Variants in SEC24B observed in about 807,000 individuals in gnomAD.
The protein encoded by SEC24B is protein transport protein Sec24B.
SEC24B carries 45 observed loss-of-function variants against 142.8 expected under a neutral mutation model. The ratio of observed to expected loss-of-function variants is 0.32; its 90% CI spans 0.25 to 0.40. SEC24B has a LOEUF of 0.40. Ranked by LOEUF, SEC24B falls within the 10% of genes least tolerant of loss-of-function variation. The pLI, the probability that SEC24B is intolerant of heterozygous loss-of-function variation, is 1.00. For missense variants in SEC24B, 1,409 were observed against 1,526.8 expected, an observed-to-expected ratio of 0.92 and a Z score of 1.29; for synonymous variants, 574 against 568.2, an observed-to-expected ratio of 1.01 and a Z score of -0.15.
intron 18 of SEC24B, among the ~76,000 whole-genome samples, chr4:109,529,701 G>A (rs1309130873): frequency 6.6e-6 from 1 of 152,120 alleles, no homozygotes; most frequent in Non-Finnish European, 1.5e-5. Context: ...AGAAGTAAAT[G>A]GAAAAATATG....
intron 12 of SEC24B, 149 bp from the exon 13 acceptor site, chr4:109,520,968 G>T (rs1723543919): frequency 1.8e-6 from 1 of 540,952 alleles, no homozygotes; most frequent in South Asian, 2.0e-5. Flanking sequence ...CTCCAGCCTG[G>T]GCAACAAGAG....
chr4:109,451,590 C>G (rs1730095917), intron 1 of SEC24B, among the ~76,000 whole-genome samples: 1 of 152,154 alleles, frequency 6.6e-6, no homozygotes, highest in Non-Finnish European at 1.5e-5. Context: ...TACTTTCTGA[C>G]ACTACAAGTT....
intron 1 of SEC24B, chr4:109,449,607 C>G: frequency 2.3e-6 from 1 of 435,374 alleles, no homozygotes; most frequent in Admixed American, 2.5e-5. Context: ...TGAGGGCCCT[C>G]TATCCACCTT....
At chr4:109,492,010 G>A (rs927840801) in intron 5 of SEC24B, among the ~76,000 whole-genome samples, 3 of 151,926 alleles carry the variant, frequency 2.0e-5, no homozygotes, top group African/African-American at 7.3e-5. Flanking sequence ...CCTGACAACT[G>A]TACCTGATCT....
At chr4:109,447,253 T>C (rs919404660) in intron 1 of SEC24B, among the ~76,000 whole-genome samples, 1 of 152,200 alleles carries the variant, frequency 6.6e-6, no homozygotes, top group Non-Finnish European at 1.5e-5. Context: ...ACAGTGATTC[T>C]CAGCCTTTTC....
At chr4:109,472,646 A>G (rs1168890230) in intron 2 of SEC24B, among the ~76,000 whole-genome samples, 1 of 152,164 alleles carries the variant, frequency 6.6e-6, no homozygotes, top group East Asian at 1.9e-4. Flanking sequence ...CTGTGCAATA[A>G]TTAGTATTCA....
At chr4:109,477,654 A>G (rs925233882) in intron 3 of SEC24B, among the ~76,000 whole-genome samples, 2 of 152,082 alleles carry the variant, frequency 1.3e-5, no homozygotes, top group Non-Finnish European at 2.9e-5. Context: ...GTTTTTATCA[A>G]AAACAAGCTA....
In SEC24B at chr4:109,524,885, A is replaced by G; in HGVS notation, c.2576A>G (p.Gln859Arg). 1 of 1,612,750 alleles carries G rather than the reference A, an allele frequency of 6.2e-7. No homozygotes were observed. Among genetic ancestry groups the G allele is most frequent in the South Asian group, 1.1e-5 (1 of 90,902 alleles). ...KKLALDCSGQQTAVDLFLLSS... is the reference protein window; with the variant it reads ...KKLALDCSGQRTAVDLFLLSS... Reference sequence around the variant, plus strand: ...CTTGCATTAGATTGCTCGGGACAGCAAACTGCAGTGGATTTGTTCCTTTTA... The same window carrying G: ...CTTGCATTAGATTGCTCGGGACAGCGAACTGCAGTGGATTTGTTCCTTTTA... Residue 859 changes from glutamine to arginine, a missense_variant, in exon 15 of 24, where the codon CAA becomes CGA. Transcript: ENST00000265175.
chr4:109,531,492 C>T lies in SEC24B; in HGVS notation c.3360C>T (p.Asn1120=). ...ATCTAATGAAAATGATTCATCCCAA[C>T]TTATACAGGATAGACAGATTGACAG... The part of the protein sequence containing the change: ...LVHLMKMIHP[N]LYRIDRLTDE... Residue 1120 remains asparagine, a synonymous_variant, in exon 20 of 24, where the codon AAC becomes AAT. Coordinates refer to ENST00000265175, the MANE Select transcript of SEC24B (RefSeq NM_006323.5). 6.2e-7 allele frequency: 1 copy of T among 1,610,142 alleles called. No homozygotes were observed. The highest frequency in any genetic ancestry group is 1.1e-5 in the South Asian group (1 of 90,970).
intron 4 of SEC24B, among the ~76,000 whole-genome samples, chr4:109,482,935 A>AATATATATATATAT (rs1561116278): frequency 5.3e-5 from 2 of 37,514 alleles, no homozygotes; most frequent in African/African-American, 1.9e-4. Context: ...CCAGGCTTGT[A>AATATATATATATAT]CTATATATAT....
chr4:109,473,231 C>T (rs777251182), intron 3 of SEC24B, 45 bp downstream of exon 3: 28 of 1,267,368 alleles, frequency 2.2e-5, no homozygotes, highest in East Asian at 8.3e-5. Flanking sequence ...GACACACATA[C>T]GTATTTATAG....
intron 1 of SEC24B, among the ~76,000 whole-genome samples, chr4:109,442,638 A>C (rs1425958815): frequency 6.6e-6 from 1 of 152,196 alleles, no homozygotes; most frequent in Non-Finnish European, 1.5e-5. Context: ...CAATTCAGGA[A>C]AATATTAATG....
chr4:109,447,555 T>C (rs925964139), intron 1 of SEC24B, among the ~76,000 whole-genome samples: 3 of 152,208 alleles, frequency 2.0e-5, no homozygotes, highest in Non-Finnish European at 2.9e-5. Context: ...AGCATTCTAT[T>C]TGACTTCACC....
chr4:109,474,705 G>A lies in SEC24B; in HGVS notation c.1060+1519G>A, dbSNP rs574677901. Reference sequence around the variant, plus strand: ...CTCCCAAAGTGCTGGGATTACAGGCGTGAGCCACCACGCCCAGCCCCTATC... The same window carrying A: ...CTCCCAAAGTGCTGGGATTACAGGCATGAGCCACCACGCCCAGCCCCTATC... On this transcript the variant is annotated intron_variant, in intron 3 of 23. Transcript: ENST00000265175. Among the ~76,000 whole-genome samples the A allele has an allele frequency of 3.2e-4, 48 of 152,218 alleles. 1 individual carries two copies. In the South Asian group the frequency reaches 9.3e-3, roughly 30 times the overall value.
rs781122956 is a variant in SEC24B at position 109,521,149 on chromosome 4, G to T, written c.2278G>T (p.Val760Leu). Reference protein sequence around the residue: ...VFLPTPDSLLVNLYESKELIK... With the variant: ...VFLPTPDSLLLNLYESKELIK... ...TCTACCTACACCGGATAGTTTACTT[G>T]TGAATCTATATGAAAGTAAAGAGGT... Residue 760 changes from valine to leucine, a missense_variant, in exon 13 of 24, where the codon GTG becomes TTG. By Grantham distance (32) the Val-to-Leu change is conservative. Around this residue, in one of 2 missense-constraint regions of SEC24B, gnomAD observed 700 missense variants for 853.3 expected, o/e 0.82. Transcript: ENST00000265175. The T allele has an allele frequency of 1.3e-6, 2 of 1,524,038 alleles. No homozygotes were observed. The highest frequency in any genetic ancestry group is 1.8e-6 in the Non-Finnish European group (2 of 1,102,962). The allele number at this position is 1,524,038 out of a possible 1,614,324, so 94.4% of individuals were successfully genotyped here.
chr4:109,445,488 G>A (rs1178291654), intron 1 of SEC24B, among the ~76,000 whole-genome samples: 1 of 146,384 alleles, frequency 6.8e-6, no homozygotes, highest in Non-Finnish European at 1.5e-5. Flanking sequence ...ATCTGACCTC[G>A]TGATCCGCCC....
At chr4:109,457,370 A>G (rs972975934) in intron 1 of SEC24B, among the ~76,000 whole-genome samples, 3 of 152,208 alleles carry the variant, frequency 2.0e-5, no homozygotes, top group South Asian at 4.1e-4. Flanking sequence ...TTTATAATGA[A>G]CAGAAATTTA....
At chr4:109,490,726 C>T (rs1734937355) in intron 4 of SEC24B, among the ~76,000 whole-genome samples, 1 of 151,998 alleles carries the variant, frequency 6.6e-6, no homozygotes, top group Admixed American at 6.6e-5. Flanking sequence ...TATAGTCTAA[C>T]ATTTATATGA....
chr4:109,463,705 T>A, intron 2 of SEC24B, 61 bp downstream of exon 2: 1 of 1,550,468 alleles, frequency 6.4e-7, no homozygotes. Flanking sequence ...CCAATTAAGT[T>A]ATTATTTACA....
Sources: gnomAD v4.1 joint callset for allele counts (sites outside exome capture counted in the v4.1 genomes callset) on GRCh38, gnomAD v4.1.1 for gene constraint, gnomAD v4.1.1 regional missense constraint, MANE v1.5 for transcripts, NCBI Gene and HGNC (gene_info 2026-07-23, HGNC 2026-07-21) for gene names.